DYSF: variants seen among roughly 807,000 people sequenced by gnomAD.
DYSF encodes dysferlin.
In DYSF, 212 loss-of-function variants were observed where a neutral mutation model predicts 274.9. The observed-to-expected ratio is 0.77, with a 90% CI of 0.69 to 0.86. The LOEUF (loss-of-function observed/expected upper bound fraction) is 0.86, where lower values mean the gene tolerates loss of function less well. DYSF is among the 40% of genes least tolerant of loss of function. The probability of loss-of-function intolerance (pLI) is 0.00; values close to 1 mark genes in which losing one functional copy is unlikely to be tolerated. For synonymous variants in DYSF, 1,091 were observed against 1,078.7 expected (o/e 1.01, Z -0.22); for missense variants, 2,666 against 2,783.2 (o/e 0.96, Z 0.95).
intron 32 of DYSF, among the ~76,000 whole-genome samples, chr2:71,594,966 C>T (rs2093366095): frequency 6.6e-6 from 1 of 152,232 alleles, no homozygotes; most frequent in Non-Finnish European, 1.5e-5. Flanking sequence ...ATTCCTAGCA[C>T]TGTGCTAACC....
At chr2:71,665,387 G>T in intron 47 of DYSF, 83 bp downstream of exon 47, 1 of 1,577,564 alleles carries the variant, frequency 6.3e-7, no homozygotes, top group Non-Finnish European at 8.7e-7. Flanking sequence ...TACCATAAAA[G>T]ACCCAAGCGG....
chr2:71,643,993 A>C lies in DYSF; in HGVS notation c.4556A>C (p.Lys1519Thr), dbSNP rs398123788. 2 of 1,612,206 alleles carry C rather than the reference A, an allele frequency of 1.2e-6. No homozygotes were observed. The highest frequency in any genetic ancestry group is 2.2e-5 in the South Asian group (2 of 90,402). The stretch of plus-strand genomic sequence containing the variant: ...GAAGAGTTCATCGATTGGTGGAGCA[A>C]ATTCTTTGCCTCCATAGGGGAGAGG... Reference protein sequence around the residue: ...HEEEFIDWWSKFFASIGEREK... With the variant: ...HEEEFIDWWSTFFASIGEREK... The change falls in exon 42 of 56, where the codon AAA (lysine) becomes ACA (threonine). Residue 1519 changes from lysine to threonine, a missense_variant. Lys to Thr is a moderately conservative substitution (Grantham distance 78, BLOSUM62 -1). Transcript: ENST00000410020.
intron 3 of DYSF, among the ~76,000 whole-genome samples, chr2:71,494,211 G>A (rs536990760): frequency 5.9e-5 from 9 of 152,174 alleles, no homozygotes; most frequent in South Asian, 2.1e-4. Flanking sequence ...GACAACTTTC[G>A]TGGCAGTTTG....
At chr2:71,529,207 CCTT>C (rs2088358048) in intron 14 of DYSF, among the ~76,000 whole-genome samples, 1 of 152,192 alleles carries the variant, frequency 6.6e-6, no homozygotes, top group South Asian at 2.1e-4. Context: ...CTTGATTCTT[CCTT>C]CTTTTTTCTC....
chr2:71,637,775 A>G (rs1008155234), intron 41 of DYSF, among the ~76,000 whole-genome samples: 1 of 152,228 alleles, frequency 6.6e-6, no homozygotes, highest in African/African-American at 2.4e-5. Context: ...GGGGGTAAAC[A>G]AAGCATTGTA....
At chr2:71,557,820 C>G (rs2091442765) in intron 22 of DYSF, among the ~76,000 whole-genome samples, 1 of 152,020 alleles carries the variant, frequency 6.6e-6, no homozygotes, top group African/African-American at 2.4e-5. Context: ...CTGAGGCAGA[C>G]AGATCACTTG....
chr2:71,489,351 T>C (rs930220085), intron 3 of DYSF, among the ~76,000 whole-genome samples: 5 of 152,218 alleles, frequency 3.3e-5, no homozygotes, highest in African/African-American at 1.2e-4. Flanking sequence ...TTTCACTCTA[T>C]TTTAGGAATC....
rs765832274 is a variant in DYSF, at chr2:71,612,811, G to C, written c.4387+5G>C. ...CATCCCCACAGGGTGGCCCAGGTAG[G>C]GGAAGGGGAGATGATGGGCAGGTCA... On this transcript the variant is annotated splice_donor_5th_base_variant and intron_variant, in intron 39 of 55. Coordinates refer to ENST00000410020, the MANE Select transcript of DYSF (RefSeq NM_001130987.2). 6.2e-7 allele frequency: 1 copy of C among 1,609,414 alleles called. No individual in the cohort carries two copies. The highest frequency in any genetic ancestry group is 8.5e-7 in the Non-Finnish European group (1 of 1,176,302).
intron 1 of DYSF, among the ~76,000 whole-genome samples, chr2:71,459,874 TA>T (rs150935706): frequency 0.027 from 4,045 of 152,128 alleles, 92 homozygotes; most frequent in African/African-American, 0.061. Context: ...CCTTCCCCCT[TA>T]ACCTCTGTCA....
At chr2:71,573,927 A>C (rs2152822517) in intron 29 of DYSF, among the ~76,000 whole-genome samples, 1 of 152,108 alleles carries the variant, frequency 6.6e-6, no homozygotes, top group African/African-American at 2.4e-5. Context: ...GGTTCAAGCA[A>C]TTCTCCTGCC....
chr2:71,540,236 G>A (rs1369227092), intron 17 of DYSF, among the ~76,000 whole-genome samples: 2 of 150,934 alleles, frequency 1.3e-5, no homozygotes, highest in African/African-American at 4.9e-5. Flanking sequence ...TCAGCCTCCC[G>A]AGCAGCTGGG....
At chr2:71,617,898 T>TGTGTGTGGTAGAGGTGG (rs2093941151) in intron 40 of DYSF, among the ~76,000 whole-genome samples, 1 of 51,758 alleles carries the variant, frequency 1.9e-5, no homozygotes, top group African/African-American at 6.1e-5. Context: ...GGTAGAGGTG[T>TGTGTGTGGTAGAGGTGG]GTTTGTGGTA....
intron 42 of DYSF, among the ~76,000 whole-genome samples, chr2:71,645,918 G>A (rs72904637): frequency 0.051 from 7,773 of 152,250 alleles, 674 homozygotes; most frequent in African/African-American, 0.18. Context: ...GAGCCCTTTG[G>A]AGGGGACTGG....
intron 18 of DYSF, 81 bp from the exon 19 acceptor site, chr2:71,551,526 C>A (rs903429644): frequency 1.1e-4 from 142 of 1,242,750 alleles, no homozygotes; most frequent in Non-Finnish European, 1.6e-4. Context: ...AGATGAGCTA[C>A]CTCAGGGCCA....
At chr2:71,681,228 G>A in intron 54 of DYSF, 118 bp downstream of exon 54, 1 of 900,208 alleles carries the variant, frequency 1.1e-6, no homozygotes, top group South Asian at 1.4e-5. Context: ...GCTCAGAGAG[G>A]GGCACGACTC....
At position 71,554,456 on chromosome 2, in the gene DYSF, C is replaced by T. The variant is rs560122435; in HGVS notation, c.2109+525C>T. Reference sequence around the variant, plus strand: ...TCCAGGGGCAAAGAGATGTGGGGCTCCGAGCAGGGCAGGTGGCCAAGGAGC... The same window carrying T: ...TCCAGGGGCAAAGAGATGTGGGGCTTCGAGCAGGGCAGGTGGCCAAGGAGC... On this transcript the variant is annotated intron_variant, in intron 21 of 55. Coordinates refer to ENST00000410020, the MANE Select transcript of DYSF (RefSeq NM_001130987.2). Among the ~76,000 whole-genome samples, 4 of 152,214 alleles carry T rather than the reference C, an allele frequency of 2.6e-5. No homozygotes were observed. In the East Asian group the frequency reaches 7.7e-4, roughly 29 times the overall value.
intron 17 of DYSF, among the ~76,000 whole-genome samples, chr2:71,541,248 T>C (rs1238191203): frequency 1.3e-5 from 2 of 152,216 alleles, no homozygotes; most frequent in Admixed American, 6.5e-5. Context: ...CATAAAACCA[T>C]ATGGGCTGGG....
chr2:71,573,740 C>T (rs967361572), intron 29 of DYSF, among the ~76,000 whole-genome samples: 1 of 152,226 alleles, frequency 6.6e-6, no homozygotes, highest in African/African-American at 2.4e-5. Context: ...ACTGCGTCAG[C>T]CTACCTTCCT....
intron 26 of DYSF, 117 bp from the exon 27 acceptor site, chr2:71,569,701 GTC>G: frequency 6.1e-6 from 5 of 816,236 alleles, no homozygotes; most frequent in Non-Finnish European, 1.0e-5. Context: ...CACCCCCCAT[GTC>G]TCTCATTGTT....
Sources: allele counts gnomAD v4.1 joint callset (sites outside exome capture counted in the v4.1 genomes callset), GRCh38; gene constraint gnomAD v4.1.1; transcripts MANE v1.5; gene names NCBI Gene and HGNC (gene_info 2026-07-23, HGNC 2026-07-21).